Variants in MTUS2 observed in about 807,000 individuals in gnomAD.
The protein encoded by MTUS2 is microtubule associated scaffold protein 2.
In MTUS2, 40 loss-of-function variants were observed where a neutral mutation model predicts 114.1. The observed-to-expected ratio is 0.35, with a 90% CI of 0.27 to 0.46. The LOEUF is 0.46. MTUS2 is among the 20% of genes least tolerant of loss of function. MTUS2 has a pLI of 1.00. For synonymous variants in MTUS2, 688 were observed against 672.0 expected, an observed-to-expected ratio of 1.02 and a Z score of -0.37; for missense variants, 1,679 against 1,705.4, an observed-to-expected ratio of 0.98 and a Z score of 0.27.
intron 2 of MTUS2, among the ~76,000 whole-genome samples, chr13:28,955,697 T>C (rs780524296): frequency 6.6e-6 from 1 of 152,100 alleles, no homozygotes; most frequent in African/African-American, 2.4e-5. Context: ...TCTGCTGTCA[T>C]CTATGGGGAG....
chr13:29,470,324 C>T (rs1880188762), intron 9 of MTUS2, among the ~76,000 whole-genome samples: 1 of 152,188 alleles, frequency 6.6e-6, no homozygotes. Context: ...TACTAACTGA[C>T]AACCTCTAAC....
chr13:29,388,392 A>G (rs1464822834), intron 8 of MTUS2, among the ~76,000 whole-genome samples: 1 of 151,310 alleles, frequency 6.6e-6, no homozygotes, highest in African/African-American at 2.4e-5. Context: ...TGAGTGTTTT[A>G]AACATAGGAA....
chr13:29,211,114 A>C lies in MTUS2; in HGVS notation c.2645-70590A>C, dbSNP rs535682643. ...GTGGGGGCAGATTTAGGCATGTCTGAGCCCAGACTGTCCTCGGTGGGTGGG... is the reference window on the plus strand; with the variant it reads ...GTGGGGGCAGATTTAGGCATGTCTGCGCCCAGACTGTCCTCGGTGGGTGGG... On this transcript the variant is annotated intron_variant, in intron 5 of 15. Coordinates refer to ENST00000612955, the MANE Select transcript of MTUS2 (RefSeq NM_001033602.4). 2.9e-4 allele frequency among the ~76,000 whole-genome samples: 44 copies of C among 151,918 alleles called. No homozygotes were observed. The East Asian group carries it at 8.4e-3, about 29-fold the overall frequency.
chr13:29,306,750 G>T (rs3011455), intron 6 of MTUS2: 33,744 of 290,904 alleles, frequency 0.12, 2,414 homozygotes, highest in African/African-American at 0.16. Flanking sequence ...ATTTTCTCTT[G>T]CATTGCCAGC....
intron 5 of MTUS2, among the ~76,000 whole-genome samples, chr13:29,198,575 A>C (rs1246286367): frequency 2.6e-5 from 4 of 152,028 alleles, no homozygotes; most frequent in African/African-American, 9.7e-5. Context: ...TCCATATGAA[A>C]TTTAAAGTAG....
At chr13:29,203,386 T>G (rs1895041884) in intron 5 of MTUS2, among the ~76,000 whole-genome samples, 1 of 152,142 alleles carries the variant, frequency 6.6e-6, no homozygotes, top group South Asian at 2.1e-4. Context: ...CATCCCACAT[T>G]GACTTCAGAC....
rs567540073 is a variant in MTUS2, at chr13:29,375,310, A to G, written c.3117+15837A>G. Among the ~76,000 whole-genome samples, 44 of 143,234 alleles carry G rather than the reference A, an allele frequency of 3.1e-4. 2 individuals are homozygous for G. Among genetic ancestry groups the G allele is most frequent in the African/African-American group, 9.5e-4 (37 of 39,080 alleles). The allele number at this position is 143,234 out of a possible 152,430, so 94.0% of individuals were successfully genotyped here. A position where few individuals can be genotyped will look rare whatever the true frequency, so the allele number is the denominator to read the frequency against. ...GTTTTTAATAGGAGTTCCAGAGAGAAGAAAGCCATTACTTTTGCGGTTTTA... is the reference window on the plus strand; with the variant it reads ...GTTTTTAATAGGAGTTCCAGAGAGAGGAAAGCCATTACTTTTGCGGTTTTA... On this transcript the variant is annotated intron_variant, in intron 8 of 15. Coordinates refer to ENST00000612955, the MANE Select transcript of MTUS2 (RefSeq NM_001033602.4).
chr13:29,202,578 GA>G (rs574839972), intron 5 of MTUS2, among the ~76,000 whole-genome samples: 105 of 152,296 alleles, frequency 6.9e-4, no homozygotes, highest in Middle Eastern at 3.4e-3. Context: ...CTTTGGAGGA[GA>G]AGAGGCATTC....
At chr13:28,857,558 G>C (rs1876715376) in intron 2 of MTUS2, among the ~76,000 whole-genome samples, 1 of 152,154 alleles carries the variant, frequency 6.6e-6, no homozygotes, top group African/African-American at 2.4e-5. Context: ...GGCAGAAATA[G>C]ATAATTAATG....
intron 5 of MTUS2, among the ~76,000 whole-genome samples, chr13:29,180,628 A>G (rs150076953): frequency 6.6e-6 from 1 of 152,290 alleles, no homozygotes; most frequent in African/African-American, 2.4e-5. Flanking sequence ...TCTTCAAGTT[A>G]AGGTTTATCC....
At chr13:28,896,658 A>AGTAT (rs1879287142) in intron 2 of MTUS2, among the ~76,000 whole-genome samples, 2 of 152,348 alleles carry the variant, frequency 1.3e-5, no homozygotes, top group South Asian at 4.1e-4. Flanking sequence ...ACTATACTAC[A>AGTAT]AGGCTACAGT....
At chr13:29,485,463 G>A in intron 10 of MTUS2, among the ~76,000 whole-genome samples, 1 of 152,108 alleles carries the variant, frequency 6.6e-6, no homozygotes, top group East Asian at 1.9e-4. Flanking sequence ...TAAAGAGCGG[G>A]GATTATTGTG....
At chr13:29,311,383 ATAAGTGT>A (rs1378063044) in intron 6 of MTUS2, among the ~76,000 whole-genome samples, 10 of 152,324 alleles carry the variant, frequency 6.6e-5, no homozygotes, top group Non-Finnish European at 1.2e-4. Flanking sequence ...AACTGCACAG[ATAAGTGT>A]TAAGTATTGT....
chr13:29,301,067 T>C (rs542919048), intron 6 of MTUS2, among the ~76,000 whole-genome samples: 1 of 152,296 alleles, frequency 6.6e-6, no homozygotes, highest in Admixed American at 6.5e-5. Flanking sequence ...CAAATTTCTG[T>C]TGAGAACCAC....
intron 10 of MTUS2, among the ~76,000 whole-genome samples, chr13:29,483,295 T>C (rs111272762): frequency 0.01 from 1,597 of 152,274 alleles, 21 homozygotes; most frequent in African/African-American, 0.036. Flanking sequence ...TTTACTCAAA[T>C]TGGGACTCGC....
At chr13:28,877,067 C>T (rs1267636714) in intron 2 of MTUS2, among the ~76,000 whole-genome samples, 1 of 149,992 alleles carries the variant, frequency 6.7e-6, no homozygotes, top group East Asian at 2.0e-4. Flanking sequence ...CCGAGGTGGG[C>T]GGATCACGAG....
chr13:29,090,214 C>T (rs2138772499), intron 4 of MTUS2, among the ~76,000 whole-genome samples: 1 of 152,294 alleles, frequency 6.6e-6, no homozygotes, highest in South Asian at 2.1e-4. Context: ...AGTCAGTACT[C>T]CTGGGCTGCA....
intron 2 of MTUS2, among the ~76,000 whole-genome samples, chr13:28,997,247 G>A (rs1052568349): frequency 2.0e-5 from 3 of 152,180 alleles, no homozygotes; most frequent in Non-Finnish European, 4.4e-5. Flanking sequence ...TGATTGCACT[G>A]TGGTCTGAGA....
chr13:29,487,997 A>G lies in MTUS2; in HGVS notation c.3497A>G (p.Lys1166Arg), dbSNP rs771544309. ...ITILQDDHDHKVQELMSTHEL... is the reference protein window; with the variant it reads ...ITILQDDHDHRVQELMSTHEL... ...ATCCTGCAGGATGACCACGACCACA[A>G]AGTCCAAGGTAGCTCCCAGCCTCGT... Residue 1166 changes from lysine to arginine, a missense_variant, in exon 11 of 16, where the codon AAA becomes AGA. Transcript: ENST00000612955. The G allele has an allele frequency of 4.3e-6, 7 of 1,612,978 alleles. No homozygotes were observed. The highest frequency in any genetic ancestry group is 2.2e-5 in the East Asian group (1 of 44,874).
Sources: allele counts gnomAD v4.1 joint callset (sites outside exome capture counted in the v4.1 genomes callset), GRCh38; gene constraint gnomAD v4.1.1; transcripts MANE v1.5; gene names NCBI Gene and HGNC (gene_info 2026-07-23, HGNC 2026-07-21).